NHEJ1: variants seen among roughly 807,000 people sequenced by gnomAD.
The protein encoded by NHEJ1 is non-homologous end joining factor 1.
A neutral mutation model predicts 39.4 loss-of-function variants in NHEJ1; 22 were observed. The ratio of observed to expected loss-of-function variants is 0.56; its 90% CI spans 0.40 to 0.80. NHEJ1 has a LOEUF of 0.80. Among genes scored for constraint, NHEJ1 ranks in the 30% least tolerant of loss-of-function variants. NHEJ1 has a pLI of 0.00. For missense variants in NHEJ1, 329 were observed against 357.1 expected, an observed-to-expected ratio of 0.92 and a Z score of 0.63; for synonymous variants, 154 against 135.6, an observed-to-expected ratio of 1.14 and a Z score of -0.94.
At chr2:219,098,387 G>C (rs961268785) in intron 5 of NHEJ1, among the ~76,000 whole-genome samples, 1 of 152,178 alleles carries the variant, frequency 6.6e-6, no homozygotes, top group Admixed American at 6.5e-5. Flanking sequence ...CAAAAACTTA[G>C]GGAGAGGAGA....
chr2:219,146,071 C>T (rs1228010563), intron 5 of NHEJ1, among the ~76,000 whole-genome samples: 1 of 152,104 alleles, frequency 6.6e-6, no homozygotes, highest in Non-Finnish European at 1.5e-5. Flanking sequence ...ATTATTAATA[C>T]TTTCCCTATT....
rs143933348 is a variant in NHEJ1 at position 219,123,926 on chromosome 2, G to T, written c.588+22754C>A. Among the ~76,000 whole-genome samples, 235 of 152,316 alleles carry T rather than the reference G, an allele frequency of 1.5e-3. 3 individuals carry two copies. Among genetic ancestry groups the T allele is most frequent in the African/African-American group, 5.1e-3 (213 of 41,554 alleles). ...GTAGCTCTAATAAAAAGAAATACTTGAAGTTTTATTAGTGCCATATAATAA... is the reference window on the plus strand; with the variant it reads ...GTAGCTCTAATAAAAAGAAATACTTTAAGTTTTATTAGTGCCATATAATAA... On this transcript the variant is annotated intron_variant, in intron 5 of 7. Transcript: ENST00000356853.
chr2:219,152,789 T>TTTTATTTA (rs372977188), intron 3 of NHEJ1, among the ~76,000 whole-genome samples: 2,100 of 87,736 alleles, frequency 0.024, 35 homozygotes, highest in Middle Eastern at 0.11. Flanking sequence ...ATTTATTTAT[T>TTTTATTTA]TTTATTTATT....
intron 5 of NHEJ1, among the ~76,000 whole-genome samples, chr2:219,108,020 G>A (rs1360622621): frequency 6.6e-6 from 1 of 151,866 alleles, no homozygotes; most frequent in Admixed American, 6.6e-5. Flanking sequence ...CGCCATGACT[G>A]CTATTTATAG....
At chr2:219,105,500 G>A (rs1298686725) in intron 5 of NHEJ1, among the ~76,000 whole-genome samples, 2 of 152,166 alleles carry the variant, frequency 1.3e-5, no homozygotes, top group South Asian at 2.1e-4. Flanking sequence ...TGCTTTGGTC[G>A]CTGCTCTGCC....
chr2:219,115,734 C>T (rs1351950285), intron 5 of NHEJ1, among the ~76,000 whole-genome samples: 1 of 152,216 alleles, frequency 6.6e-6, no homozygotes, highest in East Asian at 1.9e-4. Context: ...ACTCCGACAA[C>T]TCATGTGGGC....
chr2:219,077,244 A>C lies in NHEJ1; in HGVS notation c.825+2T>G. The C allele has an allele frequency of 6.2e-7, 1 of 1,610,682 alleles. No homozygotes were observed. Among genetic ancestry groups the C allele is most frequent in the Non-Finnish European group, 8.5e-7 (1 of 1,176,992 alleles). On this transcript the variant is annotated splice_donor_variant, in intron 7 of 7. Coordinates refer to ENST00000356853, the MANE Select transcript of NHEJ1 (RefSeq NM_024782.3). LOFTEE classifies it high-confidence loss of function. ...CCATCCAGGAAGCTGCTCATGACTC[A>C]CCGTGGACTCTTTCTCAGGTGCTGA...
At chr2:219,142,366 C>A (rs1559200988) in intron 5 of NHEJ1, among the ~76,000 whole-genome samples, 1 of 152,138 alleles carries the variant, frequency 6.6e-6, no homozygotes, top group South Asian at 2.1e-4. Context: ...CTGTAGAGGG[C>A]GGGGCTCTAT....
chr2:219,133,622 T>C lies in NHEJ1; in HGVS notation c.588+13058A>G, dbSNP rs551004495. 5.9e-5 allele frequency among the ~76,000 whole-genome samples: 9 copies of C among 152,318 alleles called. 1 individual carries two copies. Among genetic ancestry groups the C allele is most frequent in the African/African-American group, 2.2e-4 (9 of 41,564 alleles). ...GTTCAGAAGAGGAAAATAATATAGC[T>C]TGTGCTTTTACTACTGTCCCTTTCA... On this transcript the variant is annotated intron_variant, in intron 5 of 7. Transcript: ENST00000356853.
intron 3 of NHEJ1, 111 bp downstream of exon 3, chr2:219,157,361 T>C: frequency 1.1e-6 from 1 of 925,096 alleles, no homozygotes; most frequent in Non-Finnish European, 1.7e-6. Context: ...GAAAGTTTTC[T>C]GATTGGAGAA....
intron 5 of NHEJ1, among the ~76,000 whole-genome samples, chr2:219,081,064 C>T (rs549004322): frequency 3.5e-4 from 54 of 152,254 alleles, no homozygotes; most frequent in Admixed American, 9.1e-4. Context: ...ACCTGCCATC[C>T]GGCTGAGGAA....
chr2:219,087,036 A>G (rs1395159919), intron 5 of NHEJ1, among the ~76,000 whole-genome samples: 1 of 152,002 alleles, frequency 6.6e-6, no homozygotes, highest in Non-Finnish European at 1.5e-5. Flanking sequence ...GGATCCTCAG[A>G]GCCCCTCAGA....
intron 3 of NHEJ1, among the ~76,000 whole-genome samples, chr2:219,154,325 A>C (rs1949827955): frequency 6.6e-6 from 1 of 152,238 alleles, no homozygotes; most frequent in Non-Finnish European, 1.5e-5. Flanking sequence ...CAGTATATAC[A>C]TATATAGCTT....
intron 5 of NHEJ1, among the ~76,000 whole-genome samples, chr2:219,087,606 G>T (rs73991026): frequency 0.016 from 2,453 of 152,232 alleles, 70 homozygotes; most frequent in African/African-American, 0.056. Context: ...TCTCTGGAGG[G>T]TGACAGTGTC....
intron 5 of NHEJ1, among the ~76,000 whole-genome samples, chr2:219,081,675 T>C (rs1040291653): frequency 1.6e-4 from 24 of 152,292 alleles, no homozygotes; most frequent in African/African-American, 5.3e-4. Context: ...ATGTGGGAGA[T>C]AGGCAGACAT....
At chr2:219,108,778 T>C (rs1216232295) in intron 5 of NHEJ1, among the ~76,000 whole-genome samples, 1 of 152,180 alleles carries the variant, frequency 6.6e-6, no homozygotes, top group Non-Finnish European at 1.5e-5. Context: ...TGACCCTTTT[T>C]TGGCATATGA....
intron 5 of NHEJ1, among the ~76,000 whole-genome samples, chr2:219,136,286 C>CTTT (rs36102678): frequency 7.9e-6 from 1 of 125,868 alleles, no homozygotes; most frequent in Non-Finnish European, 1.7e-5. Context: ...CACTTGGTTT[C>CTTT]TTTTTTTTTT....
chr2:219,156,073 C>T (rs1949852223), intron 3 of NHEJ1, among the ~76,000 whole-genome samples: 1 of 151,388 alleles, frequency 6.6e-6, no homozygotes, highest in Admixed American at 6.6e-5. Context: ...CACAGTGAAA[C>T]CTGTCTCTAC....
chr2:219,156,550 A>C (rs1240242928), intron 3 of NHEJ1, among the ~76,000 whole-genome samples: 1 of 152,150 alleles, frequency 6.6e-6, no homozygotes, highest in South Asian at 2.1e-4. Context: ...ATATAAAGCT[A>C]TGAGTGAGTA....
Sources: gnomAD v4.1 joint callset for allele counts (sites outside exome capture counted in the v4.1 genomes callset) on GRCh38, gnomAD v4.1.1 for gene constraint, MANE v1.5 for transcripts, NCBI Gene and HGNC (gene_info 2026-07-23, HGNC 2026-07-21) for gene names.